FLNB: variants seen among roughly 807,000 people sequenced by gnomAD.
FLNB encodes filamin B.
Under a neutral mutation model 250.6 loss-of-function variants are expected in FLNB, and 111 were observed. That is an observed-to-expected ratio of 0.44 (90% CI 0.38 to 0.52). FLNB has a LOEUF of 0.52. Among genes scored for constraint, FLNB ranks in the 20% least tolerant of loss-of-function variants. FLNB has a pLI of 0.00. For synonymous variants in FLNB, 1,302 were observed against 1,372.1 expected, an observed-to-expected ratio of 0.95 and a Z score of 1.13; for missense variants, 2,869 against 3,447.8, an observed-to-expected ratio of 0.83 and a Z score of 4.20.
intron 18 of FLNB, among the ~76,000 whole-genome samples, chr3:58,114,110 G>A (rs756290416): frequency 4.6e-5 from 7 of 151,576 alleles, no homozygotes; most frequent in Non-Finnish European, 7.4e-5. Context: ...TTCTCTCTTC[G>A]TCTGTTTTTT....
chr3:58,067,979 AG>A (rs2097188325), intron 1 of FLNB, among the ~76,000 whole-genome samples: 1 of 152,216 alleles, frequency 6.6e-6, no homozygotes, highest in Non-Finnish European at 1.5e-5. Flanking sequence ...ACTGGGACCC[AG>A]GTTCCTTCCC....
At chr3:58,030,978 G>T (rs2106757082) in intron 1 of FLNB, among the ~76,000 whole-genome samples, 2 of 152,272 alleles carry the variant, frequency 1.3e-5, no homozygotes, top group African/African-American at 4.8e-5. Flanking sequence ...AAATTGCAGA[G>T]ATTTCCATAT....
chr3:58,066,807 G>A (rs933013687), intron 1 of FLNB, among the ~76,000 whole-genome samples: 5 of 152,230 alleles, frequency 3.3e-5, no homozygotes, highest in Non-Finnish European at 5.9e-5. Flanking sequence ...AGGGTGTTTG[G>A]GATAATTTAT....
chr3:58,013,357 T>A (rs2097101635), intron 1 of FLNB, among the ~76,000 whole-genome samples: 1 of 152,192 alleles, frequency 6.6e-6, no homozygotes, highest in Admixed American at 6.5e-5. Context: ...AGACTTCGGG[T>A]CACTAGGCAG....
chr3:58,148,167 C>T, intron 34 of FLNB, 39 bp from the exon 35 acceptor site: 1 of 1,611,324 alleles, frequency 6.2e-7, no homozygotes, highest in South Asian at 1.1e-5. Context: ...CCAGGGTAAC[C>T]ACATGTAACG....
intron 1 of FLNB, among the ~76,000 whole-genome samples, chr3:58,037,842 T>C (rs2097140291): frequency 6.6e-6 from 1 of 152,216 alleles, no homozygotes; most frequent in Non-Finnish European, 1.5e-5. Context: ...AACATGATCT[T>C]AAATGAAAAC....
intron 18 of FLNB, 66 bp downstream of exon 18, chr3:58,112,384 G>A: frequency 6.7e-7 from 1 of 1,500,818 alleles, no homozygotes; most frequent in South Asian, 1.1e-5. Context: ...AGTCGGTGCT[G>A]GGTCACTGTG....
rs2097243689 is a variant in FLNB at position 58,098,733 on chromosome 3, T to G, written c.1170T>G (p.Gly390=). 1 of 1,614,084 alleles carries G rather than the reference T, an allele frequency of 6.2e-7. No homozygotes were observed. The highest frequency in any genetic ancestry group is 1.3e-5 in the African/African-American group (1 of 74,994). Residue 390 remains glycine (G), a synonymous_variant, in exon 8 of 46, where the codon GGT becomes GGG. Transcript: ENST00000295956. ...YTAGAGVGDI[G]VEVEDPQGKN... is the part of the protein sequence containing the mutation. ...TAGGAGCTGGTGTGGGTGACATTGGTGTGGAGGTGGAAGATCCCCAGGGGA... is the reference window on the plus strand; with the variant it reads ...TAGGAGCTGGTGTGGGTGACATTGGGGTGGAGGTGGAAGATCCCCAGGGGA...
chr3:58,152,965 C>T, intron 38 of FLNB: 1 of 320,626 alleles, frequency 3.1e-6, no homozygotes, highest in South Asian at 2.9e-5. Flanking sequence ...AAGCTTTGCT[C>T]ACGCATGGTT....
In FLNB at chr3:58,127,808, G is replaced by A. The variant is rs546071739; in HGVS notation, c.4222+1046G>A. Among the ~76,000 whole-genome samples, 20 of 152,240 alleles carry A rather than the reference G, an allele frequency of 1.3e-4. 1 individual carries two copies. In the South Asian group the frequency reaches 4.1e-3, roughly 32 times the overall value. On this transcript the variant is annotated intron_variant, in intron 24 of 45. Coordinates refer to ENST00000295956, the MANE Select transcript of FLNB (RefSeq NM_001457.4). ...GTTTTGGGGGGAGGACTCTCCATAG[G>A]TTCTAGTTATCTACTCAAATGATTG...
At chr3:58,098,513 T>G (rs2097243094) in intron 7 of FLNB, among the ~76,000 whole-genome samples, 198 bp from the exon 8 acceptor site, 1 of 152,154 alleles carries the variant, frequency 6.6e-6, no homozygotes, top group Non-Finnish European at 1.5e-5. Context: ...GTATTTTTTT[T>G]AGTAGAGACG....
At chr3:58,152,642 C>T in intron 38 of FLNB, 1 of 669,786 alleles carries the variant, frequency 1.5e-6, no homozygotes, top group Non-Finnish European at 2.2e-6. Context: ...TTTGGAGGGA[C>T]ACAAACATTC....
At position 58,154,278 on chromosome 3, in the gene FLNB, C is replaced by T. The variant is rs189005006; in HGVS notation, c.6635-513C>T. 7.2e-5 allele frequency among the ~76,000 whole-genome samples: 11 copies of T among 152,180 alleles called. No individual in the cohort carries two copies. In the East Asian group the frequency reaches 1.7e-3, roughly 24 times the overall value. ...GTATTCAGGGCTGGGCGTGGTGGCTCACACCTGTAACTCTAGCACTTTGCA... is the reference window on the plus strand; with the variant it reads ...GTATTCAGGGCTGGGCGTGGTGGCTTACACCTGTAACTCTAGCACTTTGCA... On this transcript the variant is annotated intron_variant, in intron 39 of 45. Transcript: ENST00000295956.
chr3:58,097,935 A>G lies in FLNB; in HGVS notation c.1105A>G (p.Asn369Asp). The G allele has an allele frequency of 2.5e-6, 4 of 1,614,134 alleles. No homozygotes were observed. Among genetic ancestry groups the G allele is most frequent in the Non-Finnish European group, 2.5e-6 (3 of 1,179,996 alleles). ...AKGPGLEAVG[N>D]IANKPTYFDI... ...AGGTCCAGGGTTGGAAGCTGTAGGG[A>G]ACATCGCCAATAAGCCCACCTACTT... Residue 369 changes from asparagine to aspartate, a missense_variant, in exon 7 of 46, where the codon AAC becomes GAC. Physicochemically the swap from Asn to Asp is conservative, Grantham distance 23. Around this residue, in one of 5 missense-constraint regions of FLNB, gnomAD observed 1,348 missense variants for 1,466.7 expected, o/e 0.92. Transcript: ENST00000295956.
At chr3:58,043,987 C>T (rs1024804255) in intron 1 of FLNB, among the ~76,000 whole-genome samples, 1 of 152,168 alleles carries the variant, frequency 6.6e-6, no homozygotes, top group Non-Finnish European at 1.5e-5. Flanking sequence ...CTGTTTTGTC[C>T]CTTCCCTCTG....
intron 27 of FLNB, 66 bp downstream of exon 27, chr3:58,134,838 G>A: frequency 6.8e-7 from 1 of 1,473,286 alleles, no homozygotes; most frequent in South Asian, 1.2e-5. Context: ...CCAGATTTAA[G>A]AACAAGGGTT....
At chr3:58,103,901 T>A (rs2097254996) in intron 9 of FLNB, 58 bp from the exon 10 acceptor site, 4 of 1,608,418 alleles carry the variant, frequency 2.5e-6, no homozygotes, top group Non-Finnish European at 3.4e-6. Context: ...CTTGTCCTTT[T>A]GATTCTCATT....
At chr3:58,030,241 G>T (rs2097129070) in intron 1 of FLNB, among the ~76,000 whole-genome samples, 1 of 152,190 alleles carries the variant, frequency 6.6e-6, no homozygotes, top group Non-Finnish European at 1.5e-5. Flanking sequence ...AAGGAGGGAA[G>T]TAGGGCAGTT....
chr3:58,118,899 G>T lies in FLNB; in HGVS notation c.2773G>T (p.Gly925Cys), dbSNP rs139875974. Residue 925 changes from glycine to cysteine, a missense_variant, in exon 19 of 46, where the codon GGT becomes TGT. Transcript: ENST00000295956. ...CAACATGCAGGTTCTGGTGACTTAC[G>T]GTGGCGATCCCATCCCTAAAAGCCC... is the stretch of plus-strand genomic sequence containing the variant. ...QGNMQVLVTY[G>C]GDPIPKSPFT... 5.8e-4 allele frequency: 937 copies of T among 1,614,034 alleles called. 2 individuals carry two copies. The highest frequency in any genetic ancestry group is 6.7e-4 in the Non-Finnish European group (790 of 1,179,944).
Sources: allele counts gnomAD v4.1 joint callset (sites outside exome capture counted in the v4.1 genomes callset), GRCh38; gene constraint gnomAD v4.1.1; regional missense constraint gnomAD v4.1.1; transcripts MANE v1.5; gene names NCBI Gene and HGNC (gene_info 2026-07-23, HGNC 2026-07-21).